The following MAD1L1 variants were observed in gnomAD, a reference collection of about 807,000 sequenced individuals.
MAD1L1 encodes mitotic arrest deficient 1 like 1, also known as mitotic spindle assembly checkpoint protein MAD1.
Under a neutral mutation model 96.9 loss-of-function variants are expected in MAD1L1, and 95 were observed. That is an observed-to-expected ratio of 0.98 (90% confidence interval 0.83 to 1.16). The LOEUF is 1.16. MAD1L1 is among the 50% of genes most tolerant of loss of function. The pLI is 0.00. For synonymous variants in MAD1L1, 473 were observed against 396.6 expected (o/e 1.19, Z -2.29); for missense variants, 1,007 against 954.4 (o/e 1.06, Z -0.73).
At position 1,871,745 on chromosome 7, in the gene MAD1L1, C is replaced by CGCCTGCCACGCTGAACCCAACATAG. The variant is rs1785119299; in HGVS notation, c.1998+26454_1998+26455insCTATGTTGGGTTCAGCGTGGCAGGC. On this transcript the variant is annotated intron_variant, in intron 18 of 18. Coordinates refer to ENST00000265854, the MANE Select transcript of MAD1L1 (RefSeq NM_001013836.2). ...CACCTGCCACGCTGAACCCAACATA[C>CGCCTGCCACGCTGAACCCAACATAG]GCCTGCCACGCTGAACCCAACATAC... is the stretch of plus-strand genomic sequence containing the variant. Among the ~76,000 whole-genome samples, 2 of 149,774 alleles carry CGCCTGCCACGCTGAACCCAACATAG rather than the reference C, an allele frequency of 1.3e-5. 1 individual carries two copies. Among genetic ancestry groups the CGCCTGCCACGCTGAACCCAACATAG allele is most frequent in the Admixed American group, 1.3e-4 (2 of 15,062 alleles).
At chr7:1,960,994 T>C (rs1337205290) in intron 15 of MAD1L1, among the ~76,000 whole-genome samples, 1 of 152,068 alleles carries the variant, frequency 6.6e-6, no homozygotes, top group Non-Finnish European at 1.5e-5. Context: ...ATCTGGAAAA[T>C]ACTACTGACA....
At chr7:1,926,838 T>C (rs543286005) in intron 17 of MAD1L1, among the ~76,000 whole-genome samples, 2 of 152,320 alleles carry the variant, frequency 1.3e-5, no homozygotes, top group East Asian at 3.9e-4. Flanking sequence ...GGATCTCTGT[T>C]GCCCCATCTC....
intron 15 of MAD1L1, among the ~76,000 whole-genome samples, chr7:1,960,336 A>C (rs1779903563): frequency 6.6e-6 from 1 of 152,198 alleles, no homozygotes; most frequent in Non-Finnish European, 1.5e-5. Context: ...TTATATCATA[A>C]ACAAATTAGA....
intron 12 of MAD1L1, among the ~76,000 whole-genome samples, chr7:2,042,600 T>C (rs898665845): frequency 3.3e-5 from 5 of 152,128 alleles, no homozygotes; most frequent in African/African-American, 4.8e-5. Flanking sequence ...AGGTGTTGGA[T>C]TATGAGGGCG....
At chr7:1,867,188 C>T (rs149289088) in intron 18 of MAD1L1, among the ~76,000 whole-genome samples, 161 of 152,284 alleles carry the variant, frequency 1.1e-3, no homozygotes, top group African/African-American at 3.4e-3. Flanking sequence ...ACATGGGCAC[C>T]GTAGGCCTCC....
intron 18 of MAD1L1, among the ~76,000 whole-genome samples, chr7:1,884,227 G>A (rs1483558561): frequency 6.6e-6 from 1 of 152,248 alleles, no homozygotes; most frequent in Non-Finnish European, 1.5e-5. Flanking sequence ...CAGCTGCCCT[G>A]GCTGAAGAGA....
At chr7:1,958,879 G>A (rs572633152) in intron 15 of MAD1L1, among the ~76,000 whole-genome samples, 1 of 152,230 alleles carries the variant, frequency 6.6e-6, no homozygotes, top group African/African-American at 2.4e-5. Context: ...AAACATGCTG[G>A]ATGGGATTAA....
intron 16 of MAD1L1, among the ~76,000 whole-genome samples, chr7:1,946,009 G>A (rs55864895): frequency 6.6e-6 from 1 of 152,132 alleles, no homozygotes; most frequent in Non-Finnish European, 1.5e-5. Flanking sequence ...CTGCACTGGG[G>A]CCAGGAGGCA....
At chr7:1,884,215 C>T (rs1042222304) in intron 18 of MAD1L1, among the ~76,000 whole-genome samples, 6 of 152,246 alleles carry the variant, frequency 3.9e-5, no homozygotes, top group African/African-American at 9.6e-5. Context: ...CAGCCCTGCT[C>T]GCAGCTGCCC....
intron 16 of MAD1L1, among the ~76,000 whole-genome samples, chr7:1,946,467 A>G (rs1779233718): frequency 6.6e-6 from 1 of 152,254 alleles, no homozygotes; most frequent in Non-Finnish European, 1.5e-5. Flanking sequence ...TTCTGCTAAA[A>G]TTTGTTGCCT....
chr7:2,038,961 T>C (rs1440782654), intron 12 of MAD1L1, among the ~76,000 whole-genome samples: 3 of 152,172 alleles, frequency 2.0e-5, no homozygotes, highest in African/African-American at 2.4e-5. Flanking sequence ...ATGCCGACAA[T>C]GATACAGTCA....
At chr7:1,980,073 C>A (rs1178498895) in intron 15 of MAD1L1, among the ~76,000 whole-genome samples, 1 of 152,240 alleles carries the variant, frequency 6.6e-6, no homozygotes, top group African/African-American at 2.4e-5. Context: ...ACTCCAGCCA[C>A]CCACGGGGGA....
chr7:2,213,351 G>A (rs1002170), intron 9 of MAD1L1, 78 bp from the exon 10 acceptor site: 267,065 of 1,348,372 alleles, frequency 0.2, 28,499 homozygotes, highest in Middle Eastern at 0.28. Context: ...TCATGATCAC[G>A]GTGCTAAGTC....
chr7:1,944,229 G>A (rs1779126014), intron 16 of MAD1L1, among the ~76,000 whole-genome samples: 1 of 152,204 alleles, frequency 6.6e-6, no homozygotes, highest in Non-Finnish European at 1.5e-5. Context: ...AGACAGCAGG[G>A]TGATGGATAA....
At chr7:2,113,709 C>T (rs1455458495) in intron 11 of MAD1L1, among the ~76,000 whole-genome samples, 2 of 152,226 alleles carry the variant, frequency 1.3e-5, no homozygotes, top group South Asian at 2.1e-4. Flanking sequence ...GGAGTGACCA[C>T]ACCCGCAACA....
rs546455558 is a variant in MAD1L1, at chr7:2,019,903, G to T, written c.1219-5261C>A. ...CCTGGGCCTGCTGCCCCTAAACGAG[G>T]TTTTTTTTTTTGACAACTGACTGTT... On this transcript the variant is annotated intron_variant, in intron 12 of 18. Transcript: ENST00000265854. Among the ~76,000 whole-genome samples, 13 of 149,574 alleles carry T rather than the reference G, an allele frequency of 8.7e-5. No individual in the cohort carries two copies. The East Asian group carries it at 2.3e-3, about 27-fold the overall frequency.
intron 18 of MAD1L1, chr7:1,846,166 C>G (rs1562450629): frequency 1.3e-5 from 2 of 152,616 alleles, no homozygotes; most frequent in Admixed American, 6.5e-5. Context: ...CAGTGGGGAA[C>G]CTTCCAGGGC....
At chr7:1,868,477 A>ACCCACCCCACCCCAC (rs142108032) in intron 18 of MAD1L1, among the ~76,000 whole-genome samples, 1 of 115,930 alleles carries the variant, frequency 8.6e-6, no homozygotes, top group Non-Finnish European at 1.8e-5. Context: ...GAGGCCTCCC[A>ACCCACCCCACCCCAC]CCCACCCCAC....
intron 11 of MAD1L1, among the ~76,000 whole-genome samples, chr7:2,126,649 G>A (rs1788246864): frequency 6.6e-6 from 1 of 152,240 alleles, no homozygotes; most frequent in African/African-American, 2.4e-5. Context: ...GCAGTGTGAG[G>A]AGGCCCAGGA....
Sources: allele counts gnomAD v4.1 joint callset (sites outside exome capture counted in the v4.1 genomes callset), GRCh38; gene constraint gnomAD v4.1.1; transcripts MANE v1.5; gene names NCBI Gene and HGNC (gene_info 2026-07-23, HGNC 2026-07-21).